The following CAMKMT variants were observed in gnomAD, a reference collection of about 807,000 sequenced individuals.
The protein encoded by CAMKMT is calmodulin-lysine N-methyltransferase.
A neutral mutation model predicts 48.0 loss-of-function variants in CAMKMT; 53 were observed. The ratio of observed to expected loss-of-function variants is 1.10; its 90% CI spans 0.89 to 1.39. The LOEUF is 1.39. CAMKMT is among the 40% of genes most tolerant of loss of function. The pLI is 0.00. For missense variants in CAMKMT, 428 were observed against 402.7 expected (o/e 1.06, Z -0.54); for synonymous variants, 165 against 152.3 (o/e 1.08, Z -0.61).
At chr2:44,739,714 T>C (rs943244081) in intron 7 of CAMKMT, among the ~76,000 whole-genome samples, 1 of 152,152 alleles carries the variant, frequency 6.6e-6, no homozygotes, top group Non-Finnish European at 1.5e-5. Flanking sequence ...GACAAAAGCC[T>C]GGCTGGAGTG....
intron 7 of CAMKMT, among the ~76,000 whole-genome samples, chr2:44,720,329 A>G (rs1351338582): frequency 6.6e-6 from 1 of 152,186 alleles, no homozygotes; most frequent in Non-Finnish European, 1.5e-5. Flanking sequence ...TACCAAGGTC[A>G]AAATCTCACT....
chr2:44,521,540 A>G (rs544943474), intron 3 of CAMKMT, among the ~76,000 whole-genome samples: 4 of 152,130 alleles, frequency 2.6e-5, no homozygotes, highest in Non-Finnish European at 4.4e-5. Context: ...TGGCCTCCCA[A>G]AGTGCTGGGA....
intron 3 of CAMKMT, among the ~76,000 whole-genome samples, chr2:44,527,835 T>C (rs1666245570): frequency 7.8e-6 from 1 of 128,766 alleles, no homozygotes; most frequent in Non-Finnish European, 1.6e-5. Context: ...TTTGTTACAA[T>C]TGATGAACCT....
At chr2:44,442,855 A>G (rs1256128641) in intron 3 of CAMKMT, among the ~76,000 whole-genome samples, 2 of 152,234 alleles carry the variant, frequency 1.3e-5, no homozygotes, top group Admixed American at 6.5e-5. Flanking sequence ...CTTAACATCT[A>G]GCACAGACCT....
intron 7 of CAMKMT, among the ~76,000 whole-genome samples, chr2:44,735,805 C>T (rs1309534222): frequency 7.2e-5 from 11 of 151,974 alleles, no homozygotes; most frequent in African/African-American, 2.4e-4. Flanking sequence ...TCCAGCTACT[C>T]GGGAGGCTGA....
intron 3 of CAMKMT, among the ~76,000 whole-genome samples, chr2:44,678,287 G>C (rs922173423): frequency 5.9e-5 from 9 of 152,226 alleles, no homozygotes; most frequent in African/African-American, 2.2e-4. Context: ...AATAGGTAGT[G>C]AAATGGGGAT....
intron 3 of CAMKMT, among the ~76,000 whole-genome samples, chr2:44,578,662 A>T (rs1192248996): frequency 6.6e-6 from 1 of 152,084 alleles, no homozygotes; most frequent in African/African-American, 2.4e-5. Context: ...GGGTAATGGG[A>T]TGTGGTATTG....
intron 3 of CAMKMT, among the ~76,000 whole-genome samples, chr2:44,532,242 T>C (rs968112919): frequency 4.6e-5 from 7 of 152,196 alleles, no homozygotes; most frequent in African/African-American, 1.7e-4. Flanking sequence ...TTTTTGTTGA[T>C]CAAAGAATGT....
intron 3 of CAMKMT, among the ~76,000 whole-genome samples, chr2:44,703,143 T>C (rs1271987970): frequency 6.6e-6 from 1 of 152,150 alleles, no homozygotes; most frequent in Admixed American, 6.5e-5. Flanking sequence ...TATAAGGTTA[T>C]AGTTTATTCT....
At chr2:44,722,028 A>G (rs1678489456) in intron 7 of CAMKMT, among the ~76,000 whole-genome samples, 1 of 152,134 alleles carries the variant, frequency 6.6e-6, no homozygotes, top group Non-Finnish European at 1.5e-5. Context: ...TCTGGAATCT[A>G]TTGCTTAAAA....
intron 3 of CAMKMT, among the ~76,000 whole-genome samples, chr2:44,418,347 G>C (rs1216400898): frequency 4.0e-5 from 6 of 151,350 alleles, no homozygotes; most frequent in Non-Finnish European, 5.9e-5. Context: ...AAGTTTTATA[G>C]TTCTGGCTTT....
At chr2:44,362,247 A>G (rs1298622570) in intron 1 of CAMKMT, 102 bp downstream of exon 1, 2 of 1,103,058 alleles carry the variant, frequency 1.8e-6, no homozygotes, top group Non-Finnish European at 1.2e-6. Flanking sequence ...CAGCTCTGGG[A>G]GACCCTTCTC....
At chr2:44,412,069 G>A (rs1683241978) in intron 3 of CAMKMT, among the ~76,000 whole-genome samples, 1 of 142,674 alleles carries the variant, frequency 7.0e-6, no homozygotes, top group Middle Eastern at 3.8e-3. Context: ...GACTCTTCTA[G>A]GATAAAGACA....
At chr2:44,466,484 G>T (rs564817135) in intron 3 of CAMKMT, among the ~76,000 whole-genome samples, 1 of 151,960 alleles carries the variant, frequency 6.6e-6, no homozygotes, top group Non-Finnish European at 1.5e-5. Flanking sequence ...AAATGAAAAC[G>T]AATACACAAC....
intron 3 of CAMKMT, among the ~76,000 whole-genome samples, chr2:44,476,051 G>T (rs1232659839): frequency 6.6e-6 from 1 of 152,208 alleles, no homozygotes; most frequent in Admixed American, 6.5e-5. Flanking sequence ...AAAGAATGAG[G>T]TTATCTTGCT....
chr2:44,675,191 G>T (rs1241092059), intron 3 of CAMKMT, among the ~76,000 whole-genome samples: 3 of 151,980 alleles, frequency 2.0e-5, no homozygotes, highest in African/African-American at 7.3e-5. Flanking sequence ...TAACCTCTTG[G>T]AAAAGGAATC....
intron 7 of CAMKMT, among the ~76,000 whole-genome samples, chr2:44,719,736 C>G (rs1055395077): frequency 6.6e-6 from 1 of 152,116 alleles, no homozygotes; most frequent in African/African-American, 2.4e-5. Context: ...ACTTTCATTT[C>G]AGTGTTGGCC....
chr2:44,730,784 C>T (rs915274365), intron 7 of CAMKMT, among the ~76,000 whole-genome samples: 1 of 152,184 alleles, frequency 6.6e-6, no homozygotes, highest in African/African-American at 2.4e-5. Context: ...ACACTGTAAA[C>T]ACTGTAAATG....
intron 3 of CAMKMT, chr2:44,549,676 T>A: frequency 1.8e-6 from 1 of 567,196 alleles, no homozygotes. Context: ...ATTATGATAC[T>A]CTTGCTTATT....
Sources: gnomAD v4.1 joint callset for allele counts (sites outside exome capture counted in the v4.1 genomes callset) on GRCh38, gnomAD v4.1.1 for gene constraint, MANE v1.5 for transcripts, NCBI Gene and HGNC (gene_info 2026-07-23, HGNC 2026-07-21) for gene names.